The following GPR55 variants were observed in gnomAD, a reference collection of about 807,000 sequenced individuals.
GPR55 encodes the protein G-protein coupled receptor 55.
Under a neutral mutation model 7.9 loss-of-function variants are expected in GPR55, and 6 were observed. That is an observed-to-expected ratio of 0.76 (90% CI 0.41 to 1.49). GPR55 has a LOEUF of 1.49. Among genes scored for constraint, GPR55 ranks in the 40% most tolerant of loss-of-function variants. The pLI, the probability that GPR55 is intolerant of heterozygous loss-of-function variation, is 0.01. For synonymous variants in GPR55, 183 were observed against 166.8 expected (o/e 1.10, Z -0.75); for missense variants, 376 against 406.0 (o/e 0.93, Z 0.63).
chr2:230,948,590 G>A (rs768757222), intron 1 of GPR55, among the ~76,000 whole-genome samples: 3 of 152,186 alleles, frequency 2.0e-5, no homozygotes, highest in Non-Finnish European at 2.9e-5. Context: ...ATGGTGAAGA[G>A]TCAGTTATAT....
intron 1 of GPR55, among the ~76,000 whole-genome samples, chr2:230,954,524 T>A (rs1288196118): frequency 2.0e-5 from 3 of 152,218 alleles, no homozygotes; most frequent in Non-Finnish European, 4.4e-5. Context: ...ATGGGGTACA[T>A]GAGATTTTGA....
At chr2:230,960,387 A>T (rs985115403) in intron 1 of GPR55, among the ~76,000 whole-genome samples, 14 of 152,244 alleles carry the variant, frequency 9.2e-5, no homozygotes, top group African/African-American at 3.4e-4. Context: ...GGGAAGGCAG[A>T]ATCATAGACC....
intron 1 of GPR55, among the ~76,000 whole-genome samples, chr2:230,958,606 C>T (rs567152245): frequency 2.6e-5 from 4 of 152,276 alleles, no homozygotes; most frequent in African/African-American, 9.6e-5. Context: ...CTGTCTACCT[C>T]CATGAGTTCG....
chr2:230,949,153 TTTTG>T (rs200391901), intron 1 of GPR55, among the ~76,000 whole-genome samples: 15 of 151,466 alleles, frequency 9.9e-5, no homozygotes, highest in East Asian at 5.8e-4. Flanking sequence ...ATGGCTCTTT[TTTTG>T]TTTGTTTGTT....
chr2:230,920,260 G>A (rs1346816655), intron 1 of GPR55, among the ~76,000 whole-genome samples: 1 of 152,106 alleles, frequency 6.6e-6, no homozygotes, highest in African/African-American at 2.4e-5. Flanking sequence ...GTCTGGGTTT[G>A]TGTTTGAGGC....
chr2:230,936,429 G>T (rs531224844), intron 1 of GPR55, among the ~76,000 whole-genome samples: 1 of 152,110 alleles, frequency 6.6e-6, no homozygotes, highest in Non-Finnish European at 1.5e-5. Context: ...GGCTTTCCTC[G>T]CTTTGCTTGG....
intron 1 of GPR55, among the ~76,000 whole-genome samples, chr2:230,911,406 G>C (rs1374183210): frequency 6.6e-6 from 1 of 152,210 alleles, no homozygotes; most frequent in Non-Finnish European, 1.5e-5. Flanking sequence ...GGATTCAAAT[G>C]CTGTTTCCAG....
At chr2:230,945,609 G>A (rs1691300934) in intron 1 of GPR55, among the ~76,000 whole-genome samples, 1 of 152,198 alleles carries the variant, frequency 6.6e-6, no homozygotes, top group Admixed American at 6.5e-5. Flanking sequence ...GTCTCGCTCT[G>A]TCGCCCAGGC....
rs867645971 is a variant in GPR55 at position 230,910,468 on chromosome 2, T to C, written c.495A>G (p.Lys165=). 6.2e-7 allele frequency: 1 copy of C among 1,614,056 alleles called. No individual in the cohort carries two copies. The highest frequency in any genetic ancestry group is 1.6e-4 in the Middle Eastern group (1 of 6,062). ...CAGACATGTTGTGGAAGCACATGTA[T>C]TTTTCCACTTTCCCATGGAAACTGT... ...PIYSFHGKVE[K]YMCFHNMSDD... is the part of the protein sequence containing the mutation. The change falls in exon 2 of 2, where the codon AAA becomes AAG. Residue 165 remains lysine, a synonymous_variant. Coordinates refer to ENST00000650999, the MANE Select transcript of GPR55 (RefSeq NM_005683.4). The surrounding 1 kb of genome is among the most constrained non-coding windows in gnomAD (Gnocchi z 5.4).
chr2:230,939,850 C>T (rs1319975952), intron 1 of GPR55, among the ~76,000 whole-genome samples: 1 of 152,018 alleles, frequency 6.6e-6, no homozygotes, highest in Non-Finnish European at 1.5e-5. Context: ...TGCCACCATC[C>T]CTCCCCACCC....
In GPR55 at chr2:230,910,413, G is replaced by C. The variant is rs747572092; in HGVS notation, c.550C>G (p.Pro184Ala). 2 of 1,613,814 alleles carry C rather than the reference G, an allele frequency of 1.2e-6. No homozygotes were observed. Among genetic ancestry groups the C allele is most frequent in the Admixed American group, 1.7e-5 (1 of 60,012 alleles). Reference protein sequence around the residue: ...DDTWSAKVFFPLEVFGFLLPM... With the variant: ...DDTWSAKVFFALEVFGFLLPM... ...AGGAGGAAGCCAAACACCTCCAGCG[G>C]GAAGAAGACCTTGGCGCTCCAGGTA... Residue 184 changes from proline (P) to alanine (A), a missense_variant, in exon 2 of 2, where the codon CCG becomes GCG. Coordinates refer to ENST00000650999, the MANE Select transcript of GPR55 (RefSeq NM_005683.4). This position sits in a 1 kb window ranked among gnomAD's most constrained non-coding sequence, Gnocchi z 5.4.
upstream of GPR55, among the ~76,000 whole-genome samples, chr2:230,927,854 G>A (rs376035412): frequency 3.9e-5 from 6 of 152,262 alleles, no homozygotes; most frequent in African/African-American, 1.2e-4. Flanking sequence ...CCCTGCCCTC[G>A]TGGGGCATCC....
intron 1 of GPR55, among the ~76,000 whole-genome samples, chr2:230,933,665 G>T (rs1691088891): frequency 6.6e-6 from 1 of 152,226 alleles, no homozygotes; most frequent in African/African-American, 2.4e-5. Context: ...GGGACTCAGG[G>T]CCTCTCTCCT....
chr2:230,914,056 C>A (rs532705579), intron 1 of GPR55, among the ~76,000 whole-genome samples: 2 of 152,210 alleles, frequency 1.3e-5, no homozygotes, highest in African/African-American at 2.4e-5. Context: ...CAGCTGTTAC[C>A]GGCCAACTGC....
At chr2:230,935,560 G>T (rs574407463) in intron 1 of GPR55, among the ~76,000 whole-genome samples, 6 of 152,162 alleles carry the variant, frequency 3.9e-5, no homozygotes, top group Non-Finnish European at 7.4e-5. Context: ...CACCCATCCA[G>T]ATGTCAACAC....
chr2:230,947,109 C>G (rs1691330019), intron 1 of GPR55, among the ~76,000 whole-genome samples: 1 of 152,184 alleles, frequency 6.6e-6, no homozygotes, highest in Non-Finnish European at 1.5e-5. Flanking sequence ...TCATCATGCC[C>G]AAGCCAGAAA....
Position 230,949,561 on chromosome 2 carries a change from G to T in GPR55, c.-135+11214C>A, listed in dbSNP as rs563010006. 2.0e-5 allele frequency among the ~76,000 whole-genome samples: 3 copies of T among 152,368 alleles called. No homozygotes were observed. In the South Asian group the frequency reaches 6.2e-4, roughly 32 times the overall value. On this transcript the variant is annotated intron_variant, in intron 1 of 1. Coordinates refer to the GPR55 transcript ENST00000392039. ...GGCCTAGATCAGCACTTCTCAAAGT[G>T]TGGCTCAGGCACTCTGTGGGGAAGG...
intron 1 of GPR55, among the ~76,000 whole-genome samples, chr2:230,952,095 G>A (rs1202878554): frequency 6.6e-6 from 1 of 152,024 alleles, no homozygotes. Flanking sequence ...AGGGAGGGGG[G>A]GTTACTAGAC....
chr2:230,918,751 T>C (rs1690770682), intron 1 of GPR55, among the ~76,000 whole-genome samples: 1 of 152,166 alleles, frequency 6.6e-6, no homozygotes, highest in African/African-American at 2.4e-5. Flanking sequence ...GTTTCAGTGT[T>C]AGGAAATCAA....
Sources: allele counts gnomAD v4.1 joint callset (sites outside exome capture counted in the v4.1 genomes callset), GRCh38; gene constraint gnomAD v4.1.1; non-coding constraint Gnocchi (gnomAD v3.1); transcripts MANE v1.5; gene names NCBI Gene and HGNC (gene_info 2026-07-23, HGNC 2026-07-21).